The following ARB2A variants were observed in gnomAD, a reference collection of about 807,000 sequenced individuals.
ARB2A encodes the protein cotranscriptional regulator ARB2A.
the ARB2A span, among the ~76,000 whole-genome samples, chr5:93,681,158 T>C: frequency 6.6e-6 from 1 of 152,174 alleles, no homozygotes; most frequent in Non-Finnish European, 1.5e-5. Flanking sequence ...GGTGCTTTTA[T>C]TACTATTTTG....
chr5:93,921,939 G>C, the ARB2A span, among the ~76,000 whole-genome samples: 1 of 152,168 alleles, frequency 6.6e-6, no homozygotes, highest in Non-Finnish European at 1.5e-5. Context: ...ACCCCCAAGA[G>C]TTCAACACTG....
At chr5:93,883,924 T>TACACACACACACACACACAC in the ARB2A span, among the ~76,000 whole-genome samples, 7 of 133,960 alleles carry the variant, frequency 5.2e-5, no homozygotes, top group African/African-American at 1.1e-4. Context: ...CACATACACA[T>TACACACACACACACACACAC]ACACACACAC....
chr5:93,816,735 T>C, the ARB2A span, among the ~76,000 whole-genome samples: 2 of 152,142 alleles, frequency 1.3e-5, no homozygotes, highest in Non-Finnish European at 2.9e-5. Context: ...TTCCAAACAA[T>C]AGAATCTTGG....
chr5:93,950,741 G>A, the ARB2A span, among the ~76,000 whole-genome samples: 2 of 151,652 alleles, frequency 1.3e-5, no homozygotes, highest in East Asian at 3.9e-4. Context: ...TCAGAAGTTC[G>A]AGACTAGCCT....
the ARB2A span, among the ~76,000 whole-genome samples, chr5:93,751,364 C>G: frequency 6.6e-6 from 1 of 152,134 alleles, no homozygotes. Context: ...GGATATTAAA[C>G]AGACACTATG....
chr5:94,097,461 G>T, the ARB2A span, among the ~76,000 whole-genome samples: 384 of 152,268 alleles, frequency 2.5e-3, 1 homozygote, highest in African/African-American at 9.1e-3. Context: ...CCCAGTGGGA[G>T]GTAATTGAAT....
the ARB2A span, among the ~76,000 whole-genome samples, chr5:93,649,315 A>G: frequency 6.6e-6 from 1 of 152,170 alleles, no homozygotes; most frequent in East Asian, 1.9e-4. Context: ...CATCTATTTG[A>G]TAGGATTGGA....
At chr5:94,062,755 G>A in the ARB2A span, among the ~76,000 whole-genome samples, 1 of 152,258 alleles carries the variant, frequency 6.6e-6, no homozygotes, top group Non-Finnish European at 1.5e-5. Flanking sequence ...CTGTCCCCAG[G>A]AGCCAACAGC....
the ARB2A span, among the ~76,000 whole-genome samples, chr5:93,642,179 C>T: frequency 2.6e-5 from 4 of 151,490 alleles, no homozygotes; most frequent in African/African-American, 9.7e-5. Flanking sequence ...GACAGAGTCT[C>T]CCTATGTTGC....
At chr5:93,821,324 A>T in the ARB2A span, among the ~76,000 whole-genome samples, 1 of 151,986 alleles carries the variant, frequency 6.6e-6, no homozygotes, top group South Asian at 2.1e-4. Flanking sequence ...TTGTGTGTGT[A>T]TGTGTGTGTG....
At chr5:94,030,675 C>G in the ARB2A span, among the ~76,000 whole-genome samples, 1 of 152,212 alleles carries the variant, frequency 6.6e-6, no homozygotes, top group Non-Finnish European at 1.5e-5. Flanking sequence ...TCCATCAAAA[C>G]TCATGTTGAA....
the ARB2A span, among the ~76,000 whole-genome samples, chr5:94,099,006 A>C: frequency 2.6e-5 from 4 of 152,192 alleles, no homozygotes; most frequent in Admixed American, 1.3e-4. Context: ...AACCAAAAAA[A>C]GCCCAGGACC....
At chr5:93,986,119 T>A in the ARB2A span, among the ~76,000 whole-genome samples, 1 of 144,248 alleles carries the variant, frequency 6.9e-6, no homozygotes, top group African/African-American at 2.6e-5. Context: ...CCACCCCGTC[T>A]GGGAGGTGAG....
chr5:93,792,546 T>C, the ARB2A span, among the ~76,000 whole-genome samples: 4 of 151,766 alleles, frequency 2.6e-5, no homozygotes, highest in Middle Eastern at 3.2e-3. Flanking sequence ...ATGGATGAAA[T>C]TGGAAATCAT....
the ARB2A span, among the ~76,000 whole-genome samples, chr5:93,668,959 G>C: frequency 6.2e-4 from 94 of 152,310 alleles, 1 homozygote; most frequent in East Asian, 9.3e-3. Context: ...TTGTTCACAA[G>C]AGCAAGCTGA....
chr5:93,731,989 A>G, the ARB2A span, among the ~76,000 whole-genome samples: 1 of 152,210 alleles, frequency 6.6e-6, no homozygotes, highest in Non-Finnish European at 1.5e-5. Flanking sequence ...ACCTAAGTCC[A>G]AGGTTCAAGA....
the ARB2A span, among the ~76,000 whole-genome samples, chr5:94,081,771 T>C: frequency 2.0e-5 from 3 of 152,092 alleles, no homozygotes; most frequent in African/African-American, 7.2e-5. Context: ...TTCAAAGACA[T>C]ACACTTGCAT....
At chr5:93,951,599 T>G in the ARB2A span, among the ~76,000 whole-genome samples, 6 of 152,204 alleles carry the variant, frequency 3.9e-5, no homozygotes, top group Non-Finnish European at 7.3e-5. Context: ...CCAATGTATA[T>G]TCTTGGCATC....
chr5:93,737,553 A>G, the ARB2A span: 1 of 156,864 alleles, frequency 6.4e-6, no homozygotes, highest in African/African-American at 2.4e-5. Flanking sequence ...TGGAAGAACA[A>G]AATTGGAAGA....
Sources: gnomAD v4.1 joint callset for allele counts (sites outside exome capture counted in the v4.1 genomes callset) on GRCh38, gnomAD v4.1.1 for gene constraint, MANE v1.5 for transcripts, NCBI Gene and HGNC (gene_info 2026-07-23, HGNC 2026-07-21) for gene names.